Variants in KIF18B observed in about 807,000 individuals in gnomAD.
KIF18B encodes the protein kinesin-like protein KIF18B.
A neutral mutation model predicts 80.9 loss-of-function variants in KIF18B; 49 were observed. The observed-to-expected ratio is 0.61, with a 90% CI of 0.48 to 0.77. KIF18B has a LOEUF of 0.77. Ranked by LOEUF, KIF18B falls within the 30% of genes least tolerant of loss-of-function variation. The pLI is 0.00. For missense variants in KIF18B, 994 were observed against 1,127.7 expected (o/e 0.88, Z 1.70); for synonymous variants, 439 against 463.9 (o/e 0.95, Z 0.69).
At chr17:44,941,340 CT>C (rs36121835) in intron 1 of KIF18B, among the ~76,000 whole-genome samples, 24,830 of 134,278 alleles carry the variant, frequency 0.18, 1,390 homozygotes, top group East Asian at 0.32. Context: ...TTTTCTTTTT[CT>C]TTTTTTTTTT....
In KIF18B at chr17:44,927,437, C is replaced by T. The variant is rs539616565; in HGVS notation, c.2277-359G>A. Among the ~76,000 whole-genome samples, 1 of 152,312 alleles carries T rather than the reference C, an allele frequency of 6.6e-6. No individual in the cohort carries two copies. Among genetic ancestry groups the T allele is most frequent in the South Asian group, 2.1e-4 (1 of 4,822 alleles). On this transcript the variant is annotated intron_variant, in intron 13 of 15. Transcript: ENST00000593135. The surrounding 1 kb of genome is among the most constrained non-coding windows in gnomAD (Gnocchi z 4.1). ...CCTGCCAGCCTCTGCCCCACAGGTG[C>T]AGGTCAGTCTGCCACTGGTTCTTGG...
intron 1 of KIF18B, among the ~76,000 whole-genome samples, chr17:44,944,773 T>C (rs1176044821): frequency 1.3e-5 from 2 of 152,204 alleles, no homozygotes; most frequent in East Asian, 1.9e-4. Flanking sequence ...GTCCTAGATC[T>C]AGTCAAAATT....
chr17:44,932,041 AC>A lies in KIF18B; in HGVS notation c.1389+14del. ...AGCCCTCCCGATACCCAGGCCTCAC[AC>A]CCCCAAGTCCTACCTCCTCAGCTGG... On this transcript the variant is annotated intron_variant, in intron 10 of 15. Coordinates refer to ENST00000593135, the MANE Select transcript of KIF18B (RefSeq NM_001265577.2). 6.3e-7 allele frequency: 1 copy of A among 1,593,726 alleles called. No homozygotes were observed. The highest frequency in any genetic ancestry group is 1.1e-5 in the South Asian group (1 of 89,090).
At chr17:44,945,449 C>T (rs1213636590) in intron 1 of KIF18B, among the ~76,000 whole-genome samples, 1 of 152,162 alleles carries the variant, frequency 6.6e-6, no homozygotes, top group South Asian at 2.1e-4. Flanking sequence ...GCTTCTTAAA[C>T]AAAATGTTCT....
intron 1 of KIF18B, among the ~76,000 whole-genome samples, chr17:44,941,874 G>A (rs1268590258): frequency 1.3e-5 from 2 of 152,200 alleles, no homozygotes; most frequent in Non-Finnish European, 2.9e-5. Context: ...AACCTTTACA[G>A]TTCTCTCCTC....
At chr17:44,942,870 G>A (rs567358499) in intron 1 of KIF18B, among the ~76,000 whole-genome samples, 1 of 152,198 alleles carries the variant, frequency 6.6e-6, no homozygotes, top group Non-Finnish European at 1.5e-5. Flanking sequence ...TATCCCTACT[G>A]TACAAAAGGA....
chr17:44,933,254 G>C (rs1567791498), intron 7 of KIF18B, among the ~76,000 whole-genome samples: 1 of 152,038 alleles, frequency 6.6e-6, no homozygotes, highest in African/African-American at 2.4e-5. Flanking sequence ...TGGGGGGAGG[G>C]AGGAAGAGAG....
rs758169457 is a variant in KIF18B, at chr17:44,933,993, G to A, written c.992C>T (p.Ser331Phe). ...RTVMIAAISP[S>F]SLTYEDTYNT... ...GTACGTGTCCTCGTAGGTCAGGCTGGAGGGGCTGATGGCAGCGATCATCAC... is the reference window on the plus strand; with the variant it reads ...GTACGTGTCCTCGTAGGTCAGGCTGAAGGGGCTGATGGCAGCGATCATCAC... Residue 331 changes from serine (S) to phenylalanine (F), a missense_variant, in exon 7 of 16, where the codon TCC (serine) becomes TTC (phenylalanine). Coordinates refer to ENST00000593135, the MANE Select transcript of KIF18B (RefSeq NM_001265577.2). 6.2e-7 allele frequency: 1 copy of A among 1,607,688 alleles called. No homozygotes were observed. Among genetic ancestry groups the A allele is most frequent in the East Asian group, 2.2e-5 (1 of 44,656 alleles).
At chr17:44,935,979 T>C in intron 2 of KIF18B, 53 bp downstream of exon 2, 1 of 1,535,160 alleles carries the variant, frequency 6.5e-7, no homozygotes, top group Non-Finnish European at 9.0e-7. Flanking sequence ...AACCCTTCCC[T>C]TAGGAGGAGG....
chr17:44,937,471 T>C (rs1267694062), intron 1 of KIF18B, among the ~76,000 whole-genome samples: 1 of 152,202 alleles, frequency 6.6e-6, no homozygotes, highest in Non-Finnish European at 1.5e-5. Flanking sequence ...TCTGTAATTG[T>C]CCTTTTAATA....
rs1163901660 is a variant in KIF18B at position 44,932,582 on chromosome 17, G to T, written c.1238+91C>A. 9 of 787,852 alleles carry T rather than the reference G, an allele frequency of 1.1e-5. No individual in the cohort carries two copies. The East Asian group carries it at 2.2e-4, about 19-fold the overall frequency. The allele number at this position is 787,852 out of a possible 1,614,324, so 48.8% of individuals were successfully genotyped here. A position where few individuals can be genotyped will look rare whatever the true frequency, so the allele number is the denominator to read the frequency against. On this transcript the variant is annotated intron_variant, in intron 9 of 15. Coordinates refer to ENST00000593135, the MANE Select transcript of KIF18B (RefSeq NM_001265577.2). ...CTAGGGATTGGAGCAGAAGCAAGGA[G>T]TCCTAGTCCTCCAGAAACTGGAGAA... is the stretch of plus-strand genomic sequence containing the variant.
rs542327107 is a variant in KIF18B at position 44,945,794 on chromosome 17, T to G, written c.-15+1834A>C. 1.3e-4 allele frequency among the ~76,000 whole-genome samples: 19 copies of G among 150,928 alleles called. No individual in the cohort carries two copies. The South Asian group carries it at 3.8e-3, about 30-fold the overall frequency. On this transcript the variant is annotated intron_variant, in intron 1 of 15. Transcript: ENST00000593135. Reference sequence around the variant, plus strand: ...GGTGGCGGGTGCCTGTAATGCCAGCTACTCCGGAGGCTGAGGCAGGAGAAT... The same window carrying G: ...GGTGGCGGGTGCCTGTAATGCCAGCGACTCCGGAGGCTGAGGCAGGAGAAT...
chr17:44,933,965 G>T lies in KIF18B; in HGVS notation c.1020C>A (p.Asn340Lys). ...TGGCCCGGTCGGCATATTTGAGGGT[G>T]TTGTACGTGTCCTCGTAGGTCAGGC... ...PSSLTYEDTYNTLKYADRAKE... is the reference protein window; with the variant it reads ...PSSLTYEDTYKTLKYADRAKE... Residue 340 changes from asparagine (N) to lysine (K), a missense_variant, in exon 7 of 16, where the codon AAC becomes AAA. Physicochemically the swap from Asn to Lys is moderately conservative, Grantham distance 94. Coordinates refer to ENST00000593135, the MANE Select transcript of KIF18B (RefSeq NM_001265577.2). 1 of 1,593,192 alleles carries T rather than the reference G, an allele frequency of 6.3e-7. No homozygotes were observed. The highest frequency in any genetic ancestry group is 8.5e-7 in the Non-Finnish European group (1 of 1,170,124).
Position 44,927,095 on chromosome 17 carries a change from G to C in KIF18B, c.2277-17C>G. On this transcript the variant is annotated splice_polypyrimidine_tract_variant and intron_variant, in intron 13 of 15. Transcript: ENST00000593135. The surrounding 1 kb of genome is among the most constrained non-coding windows in gnomAD (Gnocchi z 4.1). ...ACAGGTGCCCTGGGGAGGGAGGACA[G>C]GGAAGGAGGCTGATCAGCAGGGAAC... 6.3e-7 allele frequency: 1 copy of C among 1,590,054 alleles called. No individual in the cohort carries two copies. Among genetic ancestry groups the C allele is most frequent in the Non-Finnish European group, 8.6e-7 (1 of 1,165,080 alleles).
chr17:44,941,328 A>C (rs1012176277), intron 1 of KIF18B, among the ~76,000 whole-genome samples: 5 of 149,074 alleles, frequency 3.4e-5, no homozygotes, highest in African/African-American at 1.2e-4. Context: ...GACTGTACCT[A>C]ATTTTCTTTT....
At position 44,933,842 on chromosome 17, in the gene KIF18B, T is replaced by C. The variant is rs74252796; in HGVS notation, c.1062+81A>G. ...TGGGGACACTTGGCCCAGGGATCTATTGGAGCTGCCTGGGTCCCACCCTTT... is the reference window on the plus strand; with the variant it reads ...TGGGGACACTTGGCCCAGGGATCTACTGGAGCTGCCTGGGTCCCACCCTTT... On this transcript the variant is annotated intron_variant, in intron 7 of 15. Transcript: ENST00000593135. 330 of 1,333,134 alleles carry C rather than the reference T, an allele frequency of 2.5e-4. 3 individuals are homozygous for C. In the East Asian group the frequency reaches 5.6e-3, roughly 23 times the overall value. 82.6% of individuals were successfully genotyped at this position (1,333,134 alleles called of 1,614,324 possible). A position where few individuals can be genotyped will look rare whatever the true frequency, so the allele number is the denominator to read the frequency against.
Position 44,928,581 on chromosome 17 carries a change from G to A in KIF18B, c.1724-3C>T. 1 of 1,448,126 alleles carries A rather than the reference G, an allele frequency of 6.9e-7. No homozygotes were observed. The highest frequency in any genetic ancestry group is 9.0e-7 in the Non-Finnish European group (1 of 1,107,566). 89.7% of individuals were successfully genotyped at this position (1,448,126 alleles called of 1,614,324 possible). ...GCAGAGAGGAGACGGCACAGGGACT[G>A]CACAGAAGGAAGGAGAGTTTGTAGA... On this transcript the variant is annotated splice_polypyrimidine_tract_variant and splice_region_variant and intron_variant, in intron 12 of 15. Coordinates refer to ENST00000593135, the MANE Select transcript of KIF18B (RefSeq NM_001265577.2).
At position 44,925,843 on chromosome 17, in the gene KIF18B, C is replaced by A; in HGVS notation, c.*237G>T. ...CAAAAAACAGCAGCACATTAACACTCACAAATGAATATGTACATGCCAAGA... is the reference window on the plus strand; with the variant it reads ...CAAAAAACAGCAGCACATTAACACTAACAAATGAATATGTACATGCCAAGA... On this transcript the variant is annotated 3_prime_UTR_variant, in exon 16 of 16. Coordinates refer to ENST00000593135, the MANE Select transcript of KIF18B (RefSeq NM_001265577.2). 1.8e-6 allele frequency: 1 copy of A among 568,280 alleles called. No individual in the cohort carries two copies. The allele number at this position is 568,280 out of a possible 1,614,324, so 35.2% of individuals were successfully genotyped here. A position where few individuals can be genotyped will look rare whatever the true frequency, so the allele number is the denominator to read the frequency against.
At chr17:44,929,883 A>G (rs918202723) in intron 11 of KIF18B, among the ~76,000 whole-genome samples, 1 of 152,186 alleles carries the variant, frequency 6.6e-6, no homozygotes, top group Non-Finnish European at 1.5e-5. Context: ...GAAGGTAATG[A>G]GATTATTGAT....
Sources: allele counts gnomAD v4.1 joint callset (sites outside exome capture counted in the v4.1 genomes callset), GRCh38; gene constraint gnomAD v4.1.1; non-coding constraint Gnocchi (gnomAD v3.1); transcripts MANE v1.5; gene names NCBI Gene and HGNC (gene_info 2026-07-23, HGNC 2026-07-21).